The following C21orf58 variants were observed in gnomAD, a reference collection of about 807,000 sequenced individuals.
C21orf58 encodes the protein uncharacterized protein C21orf58.
Under a neutral mutation model 35.8 loss-of-function variants are expected in C21orf58, and 34 were observed. The observed-to-expected ratio is 0.95, with a 90% CI of 0.72 to 1.26. The LOEUF is 1.26. C21orf58 is among the 50% of genes most tolerant of loss of function. C21orf58 has a pLI of 0.00. For missense variants in C21orf58, 440 were observed against 414.3 expected (o/e 1.06, Z -0.54); for synonymous variants, 191 against 175.8 (o/e 1.09, Z -0.68).
chr21:46,323,106 C>T lies in C21orf58; in HGVS notation c.-368G>A, dbSNP rs567090247. 1 of 159,290 alleles carries T rather than the reference C, an allele frequency of 6.3e-6. No homozygotes were observed. Among genetic ancestry groups the T allele is most frequent in the East Asian group, 1.8e-4 (1 of 5,638 alleles). The allele number at this position is 159,290 out of a possible 1,614,324, so 9.9% of individuals were successfully genotyped here. On this transcript the variant is annotated 5_prime_UTR_variant, in exon 1 of 8. Coordinates refer to ENST00000291691, the MANE Select transcript of C21orf58 (RefSeq NM_058180.5). The stretch of plus-strand genomic sequence containing the variant: ...GCCCTGTCTTGGTTTTTTGCCACTT[C>T]GCTCCAGTTAGTTTCCCAAGTTCCA...
In C21orf58 at chr21:46,301,132, G is replaced by C. The variant is rs1218815080; in HGVS notation, c.*867C>G. Reference sequence around the variant, plus strand: ...AAAGGGATCACGTCATACACAGCTTGCTTCTTTCACTTTTTTATTTTATTT... The same window carrying C: ...AAAGGGATCACGTCATACACAGCTTCCTTCTTTCACTTTTTTATTTTATTT... On this transcript the variant is annotated 3_prime_UTR_variant, in exon 8 of 8. Coordinates refer to ENST00000291691, the MANE Select transcript of C21orf58 (RefSeq NM_058180.5). 4 of 949,824 alleles carry C rather than the reference G, an allele frequency of 4.2e-6. 1 individual carries two copies. In the South Asian group the frequency reaches 2.0e-4, roughly 47 times the overall value. 58.8% of individuals were successfully genotyped at this position (949,824 alleles called of 1,614,324 possible). A position where few individuals can be genotyped will look rare whatever the true frequency, so the allele number is the denominator to read the frequency against.
chr21:46,303,741 ATATATTTTTTTTTTT>A (rs1336376722), intron 6 of C21orf58, among the ~76,000 whole-genome samples: 5 of 24,262 alleles, frequency 2.1e-4, no homozygotes, highest in Non-Finnish European at 4.1e-4. Context: ...ATATATATAT[ATATATTTTTTTTTTT>A]TTTTTTTTTT....
intron 6 of C21orf58, among the ~76,000 whole-genome samples, chr21:46,308,318 G>A (rs13048522): frequency 3.9e-5 from 6 of 151,920 alleles, no homozygotes; most frequent in East Asian, 3.9e-4. Flanking sequence ...AAAATCAGCC[G>A]GGCGTGGTGG....
intron 6 of C21orf58, among the ~76,000 whole-genome samples, chr21:46,309,101 C>G (rs1017335192): frequency 1.3e-5 from 2 of 151,834 alleles, no homozygotes; most frequent in African/African-American, 4.8e-5. Flanking sequence ...GGTGGATCAC[C>G]TGAGGTCAGG....
chr21:46,309,996 A>AAAAAT (rs991229014), intron 6 of C21orf58, among the ~76,000 whole-genome samples: 26 of 152,196 alleles, frequency 1.7e-4, no homozygotes, highest in East Asian at 1.2e-3. Context: ...ACTCTGTCTC[A>AAAAAT]AAAATAAAAT....
intron 6 of C21orf58, among the ~76,000 whole-genome samples, chr21:46,309,845 A>C (rs1340354318): frequency 6.6e-6 from 1 of 151,794 alleles, no homozygotes; most frequent in Non-Finnish European, 1.5e-5. Context: ...AAATACAAAA[A>C]ATTAGCAGGG....
chr21:46,310,799 GAC>G (rs2082645418), intron 6 of C21orf58, among the ~76,000 whole-genome samples: 1 of 151,564 alleles, frequency 6.6e-6, no homozygotes, highest in Non-Finnish European at 1.5e-5. Flanking sequence ...AACAAAGTAA[GAC>G]ACTCTCTCTC....
intron 6 of C21orf58, among the ~76,000 whole-genome samples, chr21:46,305,357 T>C (rs560746458): frequency 1.5e-5 from 2 of 134,038 alleles, no homozygotes; most frequent in Non-Finnish European, 3.1e-5. Context: ...TGAGACAGGG[T>C]CTCACTCTGT....
chr21:46,318,267 G>A (rs1257062051), intron 1 of C21orf58, 47 bp from the exon 2 acceptor site: 1 of 1,605,486 alleles, frequency 6.2e-7, no homozygotes, highest in Non-Finnish European at 8.5e-7. Flanking sequence ...CACCCTCCCT[G>A]GACTGCAGTG....
chr21:46,307,794 C>A (rs2082488850), intron 6 of C21orf58, among the ~76,000 whole-genome samples: 1 of 152,130 alleles, frequency 6.6e-6, no homozygotes, highest in South Asian at 2.1e-4. Flanking sequence ...CACACGTCTG[C>A]CCCTAGACTA....
At chr21:46,313,487 G>A (rs2082829445) in intron 5 of C21orf58, among the ~76,000 whole-genome samples, 1 of 152,184 alleles carries the variant, frequency 6.6e-6, no homozygotes, top group African/African-American at 2.4e-5. Flanking sequence ...TCATCTTAGT[G>A]ACCCACAGCC....
intron 1 of C21orf58, chr21:46,320,892 TACTG>T (rs2083133061): frequency 1.3e-5 from 2 of 152,212 alleles, no homozygotes; most frequent in African/African-American, 2.4e-5. Context: ...TGGTTTGTAA[TACTG>T]ACTGACTTAA....
At position 46,323,553 on chromosome 21, in the gene C21orf58, C is replaced by G. The variant is rs1261759798; in HGVS notation, c.-815G>C. 1 of 153,548 alleles carries G rather than the reference C, an allele frequency of 6.5e-6. No homozygotes were observed. Among genetic ancestry groups the G allele is most frequent in the Non-Finnish European group, 1.5e-5 (1 of 68,738 alleles). The allele number at this position is 153,548 out of a possible 1,614,324, so 9.5% of individuals were successfully genotyped here. On this transcript the variant is annotated 5_prime_UTR_variant, in exon 1 of 8. Transcript: ENST00000291691. The stretch of plus-strand genomic sequence containing the variant: ...AGTTCTTCTCTGAAGACCCAGGACC[C>G]CCGGCCGAGGGGGCGCATTCGGCGG...
intron 3 of C21orf58, among the ~76,000 whole-genome samples, chr21:46,316,906 T>C (rs2082994627): frequency 6.6e-6 from 1 of 152,216 alleles, no homozygotes; most frequent in East Asian, 1.9e-4. Flanking sequence ...CCAGAGCAAC[T>C]GGGTCTGATC....
In C21orf58 at chr21:46,314,737, C is replaced by T. The variant is rs777026400; in HGVS notation, c.588G>A (p.Pro196=). ...TASPSPLAPD[P]PRIILPTVPQ... Reference sequence around the variant, plus strand: ...TTACCGTAGGCAGGATGATCCTTGGCGGGTCTGGGGCCAGCGGGGATGGGG... The same window carrying T: ...TTACCGTAGGCAGGATGATCCTTGGTGGGTCTGGGGCCAGCGGGGATGGGG... Residue 196 remains proline (P), a synonymous_variant, in exon 5 of 8, where the codon CCG becomes CCA. Coordinates refer to ENST00000291691, the MANE Select transcript of C21orf58 (RefSeq NM_058180.5). The T allele has an allele frequency of 3.4e-5, 50 of 1,480,322 alleles. No homozygotes were observed. The highest frequency in any genetic ancestry group is 4.1e-5 in the South Asian group (3 of 73,550). 91.7% of individuals were successfully genotyped at this position (1,480,322 alleles called of 1,614,324 possible).
At chr21:46,319,571 G>A (rs1247330743) in intron 1 of C21orf58, among the ~76,000 whole-genome samples, 3 of 152,040 alleles carry the variant, frequency 2.0e-5, no homozygotes, top group East Asian at 3.9e-4. Context: ...GAGACCAGCC[G>A]GCACAACACA....
rs1421872301 is a variant in C21orf58 at position 46,302,096 on chromosome 21, AC to A, written c.871del (p.Val291CysfsTer108). On this transcript the variant is annotated frameshift_variant, in exon 8 of 8. Coordinates refer to ENST00000291691, the MANE Select transcript of C21orf58 (RefSeq NM_058180.5). LOFTEE classifies it low-confidence loss of function (END_TRUNC). ...ATGGTGGTGGTGGTGGTGGTGGTGCACGGCAGGCAGCCTTGGCCTGGCAGCT... is the reference window on the plus strand; with the variant it reads ...ATGGTGGTGGTGGTGGTGGTGGTGCAGGCAGGCAGCCTTGGCCTGGCAGCT... ...PRAARPRLPA[V>X]HHHHHHHHAV... 1.4e-6 allele frequency: 2 copies of A among 1,473,502 alleles called. No individual in the cohort carries two copies. 91.3% of individuals were successfully genotyped at this position (1,473,502 alleles called of 1,614,324 possible).
intron 5 of C21orf58, among the ~76,000 whole-genome samples, chr21:46,313,270 G>A (rs1004549487): frequency 1.3e-5 from 2 of 152,216 alleles, no homozygotes; most frequent in Non-Finnish European, 2.9e-5. Context: ...TATTATTATT[G>A]TATTGGCTTT....
intron 6 of C21orf58, among the ~76,000 whole-genome samples, chr21:46,303,737 ATATATATATTTTTTTTTTT>A (rs2082266422): frequency 6.6e-5 from 2 of 30,212 alleles, no homozygotes; most frequent in East Asian, 5.6e-4. Context: ...ATATATATAT[ATATATATATTTTTTTTTTT>A]TTTTTTTTTT....
Sources: gnomAD v4.1 joint callset for allele counts (sites outside exome capture counted in the v4.1 genomes callset) on GRCh38, gnomAD v4.1.1 for gene constraint, MANE v1.5 for transcripts, NCBI Gene and HGNC (gene_info 2026-07-23, HGNC 2026-07-21) for gene names.